The following CWC27 variants were observed in gnomAD, a reference collection of about 807,000 sequenced individuals.
CWC27 encodes the protein CWC27 spliceosome associated cyclophilin, also known as spliceosome-associated protein CWC27 homolog.
Under a neutral mutation model 63.6 loss-of-function variants are expected in CWC27, and 47 were observed. The observed-to-expected ratio is 0.74, with a 90% CI of 0.58 to 0.94. The LOEUF (loss-of-function observed/expected upper bound fraction) is 0.94. CWC27 is among the 40% of genes least tolerant of loss of function. The probability of loss-of-function intolerance (pLI) is 0.00; values close to 1 mark genes in which losing one functional copy is unlikely to be tolerated. For missense variants in CWC27, 495 were observed against 554.3 expected (o/e 0.89, Z 1.07); for synonymous variants, 175 against 179.8 (o/e 0.97, Z 0.22).
intron 10 of CWC27, among the ~76,000 whole-genome samples, chr5:64,814,267 G>A (rs374400873): frequency 6.6e-6 from 1 of 151,898 alleles, no homozygotes; most frequent in African/African-American, 2.4e-5. Context: ...TTCTTCCTTT[G>A]AACTAGGTAC....
At chr5:64,804,747 C>T (rs1744605301) in intron 10 of CWC27, 1 of 160,212 alleles carries the variant, frequency 6.2e-6, no homozygotes, top group Non-Finnish European at 1.4e-5. Context: ...GAGACATCCT[C>T]AAATAATTTC....
rs551374092 is a variant in CWC27 at position 64,948,146 on chromosome 5, G to A, written c.1043-23557G>A. 2.0e-4 allele frequency among the ~76,000 whole-genome samples: 30 copies of A among 152,088 alleles called. 3 individuals carry two copies. In the South Asian group the frequency reaches 6.0e-3, roughly 31 times the overall value. On this transcript the variant is annotated intron_variant, in intron 11 of 13. Transcript: ENST00000381070. Reference sequence around the variant, plus strand: ...AAGCTAGAGGCAGGTCTAGTCTCTAGGTTAGAGTTTAGAACAGGGTTTTTC... The same window carrying A: ...AAGCTAGAGGCAGGTCTAGTCTCTAAGTTAGAGTTTAGAACAGGGTTTTTC...
intron 2 of CWC27, among the ~76,000 whole-genome samples, chr5:64,780,622 T>C (rs544089299): frequency 1.3e-5 from 2 of 148,252 alleles, no homozygotes; most frequent in Admixed American, 6.8e-5. Context: ...TTATGTGAAC[T>C]ATATATATTT....
intron 10 of CWC27, among the ~76,000 whole-genome samples, chr5:64,817,807 A>G (rs1158662356): frequency 6.6e-6 from 1 of 152,162 alleles, no homozygotes; most frequent in African/African-American, 2.4e-5. Flanking sequence ...GTGCATATAT[A>G]TTGATTTAAT....
chr5:64,825,737 T>C (rs1745338740), intron 10 of CWC27, among the ~76,000 whole-genome samples: 1 of 152,176 alleles, frequency 6.6e-6, no homozygotes, highest in South Asian at 2.1e-4. Flanking sequence ...ATGGTTGGTT[T>C]TGTAAGTCAG....
At chr5:64,920,069 G>C (rs902553568) in intron 11 of CWC27, among the ~76,000 whole-genome samples, 16 of 152,118 alleles carry the variant, frequency 1.1e-4, no homozygotes, top group African/African-American at 3.4e-4. Flanking sequence ...AGGTTCAAGT[G>C]ATTCTTCCAC....
chr5:64,787,224 T>G (rs1389960802), intron 6 of CWC27, among the ~76,000 whole-genome samples: 2 of 150,960 alleles, frequency 1.3e-5, no homozygotes, highest in Non-Finnish European at 3.0e-5. Flanking sequence ...ATATTAGTGG[T>G]TTTGTTTGTT....
At chr5:64,941,160 G>C (rs1320949713) in intron 11 of CWC27, among the ~76,000 whole-genome samples, 1 of 151,944 alleles carries the variant, frequency 6.6e-6, no homozygotes, top group Non-Finnish European at 1.5e-5. Context: ...AGCTGTTCTA[G>C]GTTTATATTA....
At chr5:64,929,756 A>C (rs1457429886) in intron 11 of CWC27, among the ~76,000 whole-genome samples, 1 of 152,178 alleles carries the variant, frequency 6.6e-6, no homozygotes, top group African/African-American at 2.4e-5. Flanking sequence ...GAAAGCTCAT[A>C]CATTACTGAT....
At chr5:64,853,921 T>C (rs1274970023) in intron 10 of CWC27, among the ~76,000 whole-genome samples, 2 of 152,182 alleles carry the variant, frequency 1.3e-5, no homozygotes, top group Non-Finnish European at 2.9e-5. Context: ...ACTCCGAAAC[T>C]TTTTCCTCTG....
At chr5:64,883,459 T>C (rs1746994252) in intron 10 of CWC27, among the ~76,000 whole-genome samples, 1 of 152,052 alleles carries the variant, frequency 6.6e-6, no homozygotes, top group African/African-American at 2.4e-5. Flanking sequence ...GTGTACAAAG[T>C]ATAGAGATGA....
At chr5:64,971,139 T>C (rs540877513) in intron 11 of CWC27, among the ~76,000 whole-genome samples, 193 of 152,348 alleles carry the variant, frequency 1.3e-3, no homozygotes, top group African/African-American at 4.5e-3. Context: ...CATAGAATTA[T>C]TGCAGGTTCA....
intron 10 of CWC27, among the ~76,000 whole-genome samples, chr5:64,838,205 A>T (rs1450876087): frequency 6.6e-6 from 1 of 152,152 alleles, no homozygotes; most frequent in East Asian, 1.9e-4. Context: ...GAACATATAC[A>T]CATACATATG....
intron 11 of CWC27, among the ~76,000 whole-genome samples, chr5:64,913,059 C>A: frequency 1.3e-5 from 2 of 152,218 alleles, no homozygotes; most frequent in Middle Eastern, 3.4e-3. Flanking sequence ...TACATCCTGA[C>A]AAATTTGAAT....
chr5:64,979,800 T>C (rs933059500), intron 13 of CWC27, among the ~76,000 whole-genome samples: 1 of 152,118 alleles, frequency 6.6e-6, no homozygotes, highest in African/African-American at 2.4e-5. Context: ...TGGCCACACA[T>C]TGAGGGATCA....
chr5:64,972,539 C>A, intron 12 of CWC27: 1 of 170,820 alleles, frequency 5.9e-6, no homozygotes. Context: ...AACAAACTGC[C>A]TTATATATAT....
intron 11 of CWC27, among the ~76,000 whole-genome samples, chr5:64,906,527 C>A (rs1580718056): frequency 6.6e-6 from 1 of 151,360 alleles, no homozygotes; most frequent in African/African-American, 2.4e-5. Context: ...GTTTGTTTTT[C>A]TCTTGCAAAT....
chr5:64,952,977 A>G (rs888592283), intron 11 of CWC27, among the ~76,000 whole-genome samples: 2 of 152,162 alleles, frequency 1.3e-5, no homozygotes, highest in Non-Finnish European at 2.9e-5. Flanking sequence ...TACAAAACCC[A>G]TGGAGAAGTC....
chr5:64,868,885 C>T (rs184038840), intron 10 of CWC27, among the ~76,000 whole-genome samples: 14 of 152,110 alleles, frequency 9.2e-5, no homozygotes, highest in South Asian at 2.1e-4. Flanking sequence ...ATCATCTTTG[C>T]ATATACCCTT....
Sources: allele counts gnomAD v4.1 joint callset (sites outside exome capture counted in the v4.1 genomes callset), GRCh38; gene constraint gnomAD v4.1.1; transcripts MANE v1.5; gene names NCBI Gene and HGNC (gene_info 2026-07-23, HGNC 2026-07-21).